LARGE1: variants seen among roughly 807,000 people sequenced by gnomAD.
The protein encoded by LARGE1 is xylosyl- and glucuronyltransferase LARGE1.
Under a neutral mutation model 87.6 loss-of-function variants are expected in LARGE1, and 43 were observed. The observed-to-expected ratio is 0.49, with a 90% CI of 0.38 to 0.63. LARGE1 has a LOEUF of 0.63. LARGE1 is among the 30% of genes least tolerant of loss of function. The pLI, the probability that LARGE1 is intolerant of heterozygous loss-of-function variation, is 0.00. For missense variants in LARGE1, 802 were observed against 1,000.2 expected (o/e 0.80, Z 2.67); for synonymous variants, 434 against 394.6 (o/e 1.10, Z -1.18).
chr22:33,236,576 A>G (rs987883837), intron 11 of LARGE1, among the ~76,000 whole-genome samples: 2 of 152,198 alleles, frequency 1.3e-5, no homozygotes, highest in Non-Finnish European at 2.9e-5. Context: ...TGCAAGTTTC[A>G]TGATTTTTTC....
chr22:33,633,927 C>T lies in LARGE1; in HGVS notation c.409-7601G>A, dbSNP rs548835022. ...TCCCACAACAAGAGCAGAGAGACCT[C>T]GATTGGAGCCACAAGCTCGAAGCTA... On this transcript the variant is annotated intron_variant, in intron 3 of 14. Coordinates refer to ENST00000397394, the MANE Select transcript of LARGE1 (RefSeq NM_133642.5). Among the ~76,000 whole-genome samples, 352 of 152,228 alleles carry T rather than the reference C, an allele frequency of 2.3e-3. 1 individual carries two copies. Among genetic ancestry groups the T allele is most frequent in the African/African-American group, 7.8e-3 (326 of 41,540 alleles).
At chr22:33,266,556 G>T (rs544435519) in intron 11 of LARGE1, among the ~76,000 whole-genome samples, 1 of 151,626 alleles carries the variant, frequency 6.6e-6, no homozygotes. Context: ...CTGAGCTTCC[G>T]TTTCCTTATC....
intron 10 of LARGE1, among the ~76,000 whole-genome samples, chr22:33,334,331 A>G (rs1294691139): frequency 6.7e-6 from 1 of 149,520 alleles, no homozygotes; most frequent in African/African-American, 2.5e-5. Flanking sequence ...GAATTGCTTG[A>G]ACCGGAGAGG....
At position 33,715,513 on chromosome 22, in the gene LARGE1, AAAAC is replaced by A. The variant is rs1432510355; in HGVS notation, c.106+45854_106+45857del. On this transcript the variant is annotated intron_variant, in intron 2 of 14. Transcript: ENST00000397394. Reference sequence around the variant, plus strand: ...ATATGCAGCTATCCTTTTAAACTGCAAAACAAACATTCTTCCATAGCCCCATCCC... The same window carrying A: ...ATATGCAGCTATCCTTTTAAACTGCAAAACATTCTTCCATAGCCCCATCCC... 1.4e-4 allele frequency among the ~76,000 whole-genome samples: 21 copies of A among 152,284 alleles called. No homozygotes were observed. The East Asian group carries it at 3.5e-3, about 25-fold the overall frequency.
At chr22:33,753,878 G>C (rs888621707) in intron 2 of LARGE1, among the ~76,000 whole-genome samples, 1 of 152,096 alleles carries the variant, frequency 6.6e-6, no homozygotes, top group African/African-American at 2.4e-5. Context: ...TGGCCAACAT[G>C]GTGAAACCCT....
chr22:33,837,776 A>T (rs1246728374), intron 1 of LARGE1, among the ~76,000 whole-genome samples: 1 of 152,236 alleles, frequency 6.6e-6, no homozygotes, highest in Non-Finnish European at 1.5e-5. Context: ...AATGAGCCTC[A>T]GGTGTGCTAA....
intron 1 of LARGE1, among the ~76,000 whole-genome samples, chr22:33,885,593 A>G (rs1190238117): frequency 6.6e-6 from 1 of 152,228 alleles, no homozygotes; most frequent in African/African-American, 2.4e-5. Flanking sequence ...ACAAAGTTAT[A>G]ATTATAATGA....
chr22:33,156,974 T>C, the LARGE1 span, among the ~76,000 whole-genome samples: 1 of 152,182 alleles, frequency 6.6e-6, no homozygotes, highest in Non-Finnish European at 1.5e-5. Context: ...ACCCTTCTCT[T>C]GTCTGCCACC....
In LARGE1 at chr22:33,524,438, A is replaced by G. The variant is rs146774605; in HGVS notation, c.787+40410T>C. On this transcript the variant is annotated intron_variant, in intron 6 of 14. Transcript: ENST00000397394. ...TTGTCATCTTATAAAATCTTCTCTAATAAGTTTCTTAGTACAGGATCAGAT... is the reference window on the plus strand; with the variant it reads ...TTGTCATCTTATAAAATCTTCTCTAGTAAGTTTCTTAGTACAGGATCAGAT... Among the ~76,000 whole-genome samples the G allele has an allele frequency of 3.4e-3, 516 of 152,194 alleles. 6 individuals are homozygous for G. Among genetic ancestry groups the G allele is most frequent in the South Asian group, 0.022 (104 of 4,826 alleles).
intron 9 of LARGE1, among the ~76,000 whole-genome samples, chr22:33,347,483 G>A (rs952452227): frequency 2.6e-5 from 4 of 152,286 alleles, no homozygotes; most frequent in African/African-American, 9.6e-5. Flanking sequence ...TACTAATGTG[G>A]GATTTGGAAT....
chr22:33,529,120 T>C (rs16992489), intron 6 of LARGE1, among the ~76,000 whole-genome samples: 6,787 of 152,318 alleles, frequency 0.045, 481 homozygotes, highest in African/African-American at 0.16. Context: ...TATCAGCTTA[T>C]GCCTTAGCCA....
At chr22:33,608,398 G>C (rs1229901014) in intron 4 of LARGE1, among the ~76,000 whole-genome samples, 1 of 152,064 alleles carries the variant, frequency 6.6e-6, no homozygotes, top group Non-Finnish European at 1.5e-5. Flanking sequence ...AATTCCCTTT[G>C]TAAGTCATCT....
At chr22:33,867,631 C>T (rs147258168) in intron 1 of LARGE1, among the ~76,000 whole-genome samples, 1 of 152,316 alleles carries the variant, frequency 6.6e-6, no homozygotes, top group Non-Finnish European at 1.5e-5. Context: ...TTTGCAGCTC[C>T]CTGACAGCTA....
chr22:33,810,749 A>G (rs2086467715), intron 1 of LARGE1, among the ~76,000 whole-genome samples: 2 of 148,640 alleles, frequency 1.3e-5, no homozygotes, highest in South Asian at 2.1e-4. Flanking sequence ...TTTGAGATGG[A>G]GTCTTGCTCT....
chr22:33,467,011 C>T (rs2068645693), intron 6 of LARGE1, among the ~76,000 whole-genome samples: 4 of 152,160 alleles, frequency 2.6e-5, no homozygotes, highest in African/African-American at 9.7e-5. Context: ...CATTGTACTC[C>T]AGCCTGGGTA....
intron 7 of LARGE1, among the ~76,000 whole-genome samples, chr22:33,394,375 T>G (rs537859380): frequency 6.6e-6 from 1 of 152,096 alleles, no homozygotes; most frequent in African/African-American, 2.4e-5. Context: ...ATTTTTTGTA[T>G]TTTTAGTAGA....
At chr22:33,852,255 G>A (rs1316166572) in intron 1 of LARGE1, among the ~76,000 whole-genome samples, 1 of 152,084 alleles carries the variant, frequency 6.6e-6, no homozygotes, top group African/African-American at 2.4e-5. Flanking sequence ...GTCAGCCCTG[G>A]AGCTACAAAA....
intron 6 of LARGE1, among the ~76,000 whole-genome samples, chr22:33,526,974 C>T (rs1345742147): frequency 3.9e-5 from 6 of 152,112 alleles, no homozygotes; most frequent in South Asian, 2.1e-4. Flanking sequence ...ATGGAAATTC[C>T]GGCTGGGTGC....
At position 33,750,389 on chromosome 22, in the gene LARGE1, A is replaced by G. The variant is rs148371501; in HGVS notation, c.106+10982T>C. Reference sequence around the variant, plus strand: ...ATGTGCAATCTCCCAATATTTAACCATTAGCAACAAATTCAAAAATGGTAA... The same window carrying G: ...ATGTGCAATCTCCCAATATTTAACCGTTAGCAACAAATTCAAAAATGGTAA... On this transcript the variant is annotated intron_variant, in intron 2 of 14. Transcript: ENST00000397394. 5.6e-4 allele frequency among the ~76,000 whole-genome samples: 86 copies of G among 152,324 alleles called. No individual in the cohort carries two copies. In the East Asian group the frequency reaches 0.014, roughly 26 times the overall value.
Sources: allele counts gnomAD v4.1 joint callset (sites outside exome capture counted in the v4.1 genomes callset), GRCh38; gene constraint gnomAD v4.1.1; transcripts MANE v1.5; gene names NCBI Gene and HGNC (gene_info 2026-07-23, HGNC 2026-07-21).